The following CMC1 variants were observed in gnomAD, a reference collection of about 807,000 sequenced individuals.
The protein encoded by CMC1 is COX assembly mitochondrial protein homolog.
A neutral mutation model predicts 14.1 loss-of-function variants in CMC1; 14 were observed. The ratio of observed to expected loss-of-function variants is 0.99; its 90% CI spans 0.66 to 1.55. The LOEUF (loss-of-function observed/expected upper bound fraction) is 1.55. Among genes scored for constraint, CMC1 ranks in the 40% most tolerant of loss-of-function variants. The probability of loss-of-function intolerance (pLI) is 0.00; values close to 1 mark genes in which losing one functional copy is unlikely to be tolerated. For synonymous variants in CMC1, 50 were observed against 38.4 expected, an observed-to-expected ratio of 1.30 and a Z score of -1.12; for missense variants, 127 against 123.8, an observed-to-expected ratio of 1.03 and a Z score of -0.12.
intron 2 of CMC1, among the ~76,000 whole-genome samples, chr3:28,286,591 G>A (rs1253019820): frequency 2.0e-5 from 3 of 152,134 alleles, no homozygotes; most frequent in Non-Finnish European, 4.4e-5. Flanking sequence ...CTTCATTGTT[G>A]AATGATTGCT....
At chr3:28,263,489 G>C (rs1699839546) in intron 2 of CMC1, 109 bp downstream of exon 2, 7 of 636,300 alleles carry the variant, frequency 1.1e-5, no homozygotes, top group Non-Finnish European at 1.8e-5. Flanking sequence ...TGTATGAATT[G>C]CTTCTCACCC....
At chr3:28,279,124 T>C (rs1700737316) in intron 2 of CMC1, among the ~76,000 whole-genome samples, 1 of 152,122 alleles carries the variant, frequency 6.6e-6, no homozygotes, top group Non-Finnish European at 1.5e-5. Context: ...CCGAAAGCAC[T>C]GGAGAGCAAA....
At chr3:28,294,587 CATGAGTTAAAAAGCT>C (rs1251910021) in intron 2 of CMC1, 2 of 363,440 alleles carry the variant, frequency 5.5e-6, no homozygotes, top group African/African-American at 2.2e-5. Flanking sequence ...ATGCTTTAGT[CATGAGTTAAAAAGCT>C]AATGGAAACT....
chr3:28,248,841 G>A (rs1013896348), intron 1 of CMC1, among the ~76,000 whole-genome samples: 3 of 152,094 alleles, frequency 2.0e-5, no homozygotes, highest in Non-Finnish European at 4.4e-5. Flanking sequence ...CCAGGCTGGA[G>A]TGCAGTGGCG....
chr3:28,309,821 C>CCACACACACACACACACACACACA (rs57499697), intron 2 of CMC1, among the ~76,000 whole-genome samples: 6 of 131,792 alleles, frequency 4.6e-5, no homozygotes, highest in African/African-American at 1.8e-4. Context: ...CTGATATTTA[C>CCACACACACACACACACACACACA]CACACACACA....
chr3:28,305,460 GT>G (rs2125586411), intron 2 of CMC1, among the ~76,000 whole-genome samples: 2 of 152,248 alleles, frequency 1.3e-5, no homozygotes, highest in South Asian at 4.1e-4. Flanking sequence ...GGATTATCCA[GT>G]TCTGTTTTTA....
chr3:28,259,916 C>T (rs924230664), intron 1 of CMC1, among the ~76,000 whole-genome samples: 1 of 151,944 alleles, frequency 6.6e-6, no homozygotes, highest in Non-Finnish European at 1.5e-5. Context: ...ATAGGGAAAG[C>T]GTTCAGAGTT....
In CMC1 at chr3:28,263,276, T is replaced by A; in HGVS notation, c.20-15T>A. The A allele has an allele frequency of 1.9e-6, 3 of 1,548,672 alleles. No individual in the cohort carries two copies. Among genetic ancestry groups the A allele is most frequent in the Non-Finnish European group, 2.6e-6 (3 of 1,134,690 alleles). On this transcript the variant is annotated splice_polypyrimidine_tract_variant and intron_variant, in intron 1 of 3. Coordinates refer to ENST00000466830, the MANE Select transcript of CMC1 (RefSeq NM_182523.2). ...TGCTTGAGACTTTATTAAAGAAAGA[T>A]CTTTTTTTTTTCAGACCAGCATCTC...
At chr3:28,245,593 G>GT (rs1269528074) in intron 1 of CMC1, among the ~76,000 whole-genome samples, 4 of 152,082 alleles carry the variant, frequency 2.6e-5, no homozygotes, top group African/African-American at 4.8e-5. Context: ...TTCTATTGCT[G>GT]TTTTTTTCCG....
chr3:28,306,531 C>G (rs1395722045), intron 2 of CMC1, among the ~76,000 whole-genome samples: 1 of 151,888 alleles, frequency 6.6e-6, no homozygotes, highest in Admixed American at 6.6e-5. Context: ...GATTTTGTGT[C>G]CTGAAACTTT....
chr3:28,283,178 G>C (rs1700983352), intron 2 of CMC1, among the ~76,000 whole-genome samples: 1 of 152,060 alleles, frequency 6.6e-6, no homozygotes, highest in South Asian at 2.1e-4. Flanking sequence ...TAATTGACTA[G>C]CTTTAGGTCA....
At chr3:28,244,312 G>A (rs1698693191) in intron 1 of CMC1, among the ~76,000 whole-genome samples, 1 of 152,206 alleles carries the variant, frequency 6.6e-6, no homozygotes, top group African/African-American at 2.4e-5. Flanking sequence ...AGGAGCAGTA[G>A]TCCAGGCCAA....
rs1048189551 is a variant in CMC1 at position 28,256,151 on chromosome 3, A to C, written c.20-7140A>C. On this transcript the variant is annotated intron_variant, in intron 1 of 3. Coordinates refer to ENST00000466830, the MANE Select transcript of CMC1 (RefSeq NM_182523.2). ...AGTAGGAGAAAAAACATATATATAT[A>C]TCTTAAGATGGGTATATATATATAC... is the stretch of plus-strand genomic sequence containing the variant. Among the ~76,000 whole-genome samples the C allele has an allele frequency of 2.6e-5, 4 of 151,948 alleles. No homozygotes were observed. In the South Asian group the frequency reaches 8.3e-4, roughly 32 times the overall value.
chr3:28,256,163 G>GTA (rs773276086), intron 1 of CMC1, among the ~76,000 whole-genome samples: 21 of 150,870 alleles, frequency 1.4e-4, no homozygotes, highest in East Asian at 9.7e-4. Context: ...CTTAAGATGG[G>GTA]TATATATATA....
In CMC1 at chr3:28,324,634, G is replaced by T; in HGVS notation, c.*5005G>T. ...ACAGATGATCTGAGTTTTAATCCTG[G>T]ATCAGCAATTTACTGTGACTTTAGA... On this transcript the variant is annotated 3_prime_UTR_variant, in exon 4 of 4. Transcript: ENST00000466830. 2.1e-6 allele frequency: 1 copy of T among 475,884 alleles called. No homozygotes were observed. The highest frequency in any genetic ancestry group is 3.4e-6 in the Non-Finnish European group (1 of 290,528). 29.5% of individuals were successfully genotyped at this position (475,884 alleles called of 1,614,324 possible).
At chr3:28,302,826 A>G (rs1702122053) in intron 2 of CMC1, among the ~76,000 whole-genome samples, 1 of 152,128 alleles carries the variant, frequency 6.6e-6, no homozygotes, top group South Asian at 2.1e-4. Context: ...CTTGCTTCCC[A>G]GGTCTCATTT....
At chr3:28,279,433 T>G (rs1700755160) in intron 2 of CMC1, among the ~76,000 whole-genome samples, 1 of 152,174 alleles carries the variant, frequency 6.6e-6, no homozygotes, top group Non-Finnish European at 1.5e-5. Flanking sequence ...GCAAAATTAT[T>G]CAGTGTACAC....
At chr3:28,319,017 T>A in intron 3 of CMC1, 1 of 318,974 alleles carries the variant, frequency 3.1e-6, no homozygotes, top group South Asian at 2.6e-5. Flanking sequence ...GTGCATAATC[T>A]GCTATAGTGG....
At chr3:28,271,425 G>C (rs747021453) in intron 2 of CMC1, among the ~76,000 whole-genome samples, 2 of 152,182 alleles carry the variant, frequency 1.3e-5, no homozygotes, top group Non-Finnish European at 2.9e-5. Context: ...CATATGGCTA[G>C]CCAGTTCTCC....
Sources: allele counts gnomAD v4.1 joint callset (sites outside exome capture counted in the v4.1 genomes callset), GRCh38; gene constraint gnomAD v4.1.1; transcripts MANE v1.5; gene names NCBI Gene and HGNC (gene_info 2026-07-23, HGNC 2026-07-21).